MTHFD1L: variants seen among roughly 807,000 people sequenced by gnomAD.
MTHFD1L encodes monofunctional C1-tetrahydrofolate synthase, mitochondrial.
Under a neutral mutation model 119.5 loss-of-function variants are expected in MTHFD1L, and 81 were observed. The ratio of observed to expected loss-of-function variants is 0.68; its 90% CI spans 0.57 to 0.82. The LOEUF (loss-of-function observed/expected upper bound fraction) is 0.82, where lower values mean the gene tolerates loss of function less well. MTHFD1L is among the 40% of genes least tolerant of loss of function. MTHFD1L has a pLI of 0.00. For missense variants in MTHFD1L, 1,125 were observed against 1,253.4 expected, an observed-to-expected ratio of 0.90 and a Z score of 1.55; for synonymous variants, 430 against 475.2, an observed-to-expected ratio of 0.90 and a Z score of 1.24.
intron 27 of MTHFD1L, among the ~76,000 whole-genome samples, chr6:151,094,444 C>A (rs1794722457): frequency 6.6e-6 from 1 of 152,218 alleles, no homozygotes; most frequent in African/African-American, 2.4e-5. Context: ...CTCACTGCAA[C>A]CTCCGCCTCC....
intron 13 of MTHFD1L, chr6:150,939,300 C>T (rs1721163139): frequency 6.6e-6 from 1 of 152,314 alleles, no homozygotes; most frequent in African/African-American, 2.4e-5. Context: ...GAGGATGACA[C>T]ACAAATTTGT....
chr6:150,934,204 C>T (rs1336262845), intron 11 of MTHFD1L, among the ~76,000 whole-genome samples: 1 of 152,220 alleles, frequency 6.6e-6, no homozygotes, highest in Non-Finnish European at 1.5e-5. Flanking sequence ...TCAGTTTCCT[C>T]ATCTATCAAG....
chr6:151,100,846 G>A (rs894678456), intron 27 of MTHFD1L, among the ~76,000 whole-genome samples: 27 of 151,954 alleles, frequency 1.8e-4, no homozygotes, highest in African/African-American at 6.3e-4. Flanking sequence ...AATCCAAGGT[G>A]ACAGTATTCC....
intron 24 of MTHFD1L, among the ~76,000 whole-genome samples, chr6:151,026,368 T>A (rs1026416072): frequency 1.3e-5 from 2 of 152,344 alleles, no homozygotes; most frequent in South Asian, 4.1e-4. Flanking sequence ...TCTAGAGCCA[T>A]ACTGCCTGAT....
At chr6:150,882,701 C>G in intron 4 of MTHFD1L, 61 bp from the exon 5 acceptor site, 2 of 1,238,812 alleles carry the variant, frequency 1.6e-6, no homozygotes, top group Non-Finnish European at 2.2e-6. Context: ...ATAAAGCTTC[C>G]TTTGTTGGGT....
At chr6:150,943,969 GA>G (rs1793553047) in intron 13 of MTHFD1L, among the ~76,000 whole-genome samples, 1 of 152,110 alleles carries the variant, frequency 6.6e-6, no homozygotes, top group African/African-American at 2.4e-5. Context: ...TAAACGTAGT[GA>G]GTGACTATAA....
intron 11 of MTHFD1L, among the ~76,000 whole-genome samples, chr6:150,931,927 C>T (rs1251628632): frequency 2.0e-5 from 3 of 151,708 alleles, no homozygotes; most frequent in East Asian, 3.9e-4. Flanking sequence ...TTTGGGAGGC[C>T]GAGGCGGGCG....
chr6:150,899,716 G>A (rs1163977898), intron 7 of MTHFD1L, among the ~76,000 whole-genome samples: 2 of 152,156 alleles, frequency 1.3e-5, no homozygotes, highest in Non-Finnish European at 2.9e-5. Flanking sequence ...GCTCACGCCT[G>A]TAATCCCAGC....
chr6:150,929,545 C>A (rs1395921512), intron 11 of MTHFD1L, among the ~76,000 whole-genome samples: 2 of 152,222 alleles, frequency 1.3e-5, no homozygotes, highest in Admixed American at 1.3e-4. Flanking sequence ...TGTGATGATA[C>A]TGTTTTCAGG....
chr6:151,099,604 C>G (rs1280857072), intron 27 of MTHFD1L: 1 of 1,609,854 alleles, frequency 6.2e-7, no homozygotes, highest in East Asian at 2.2e-5. Context: ...CCAGTCAGAC[C>G]ATTATGTCAA....
intron 26 of MTHFD1L, among the ~76,000 whole-genome samples, chr6:151,054,716 TG>T (rs1789611563): frequency 1.3e-5 from 2 of 152,102 alleles, no homozygotes; most frequent in Admixed American, 1.3e-4. Context: ...CTAAATAAAA[TG>T]GGTAATCCAA....
chr6:150,931,080 G>T (rs1790950362), intron 11 of MTHFD1L, among the ~76,000 whole-genome samples: 1 of 152,142 alleles, frequency 6.6e-6, no homozygotes, highest in Non-Finnish European at 1.5e-5. Context: ...TTGAGAACTT[G>T]ACTTGGAGTG....
chr6:151,056,486 A>G (rs1383263138), intron 26 of MTHFD1L, among the ~76,000 whole-genome samples: 1 of 152,232 alleles, frequency 6.6e-6, no homozygotes, highest in Non-Finnish European at 1.5e-5. Context: ...AATTATCTGA[A>G]GAATGCAGTC....
At position 151,079,677 on chromosome 6, in the gene MTHFD1L, C is replaced by T. The variant is rs193095139; in HGVS notation, c.2848-12790C>T. On this transcript the variant is annotated intron_variant, in intron 26 of 27. Coordinates refer to ENST00000367321, the MANE Select transcript of MTHFD1L (RefSeq NM_015440.5). ...GCTAATTTTGTATTTTTAGTAGAGA[C>T]GGAGTTTCACCATGTTGGTCACGCT... is the stretch of plus-strand genomic sequence containing the variant. Among the ~76,000 whole-genome samples the T allele has an allele frequency of 1.2e-4, 18 of 151,546 alleles. No homozygotes were observed. The East Asian group carries it at 2.6e-3, about 22-fold the overall frequency.
chr6:151,096,542 T>A (rs1794912308), intron 27 of MTHFD1L, among the ~76,000 whole-genome samples: 1 of 152,210 alleles, frequency 6.6e-6, no homozygotes, highest in Non-Finnish European at 1.5e-5. Context: ...CCACTTCTAC[T>A]AATAATCAGA....
intron 27 of MTHFD1L, 45 bp downstream of exon 27, chr6:151,092,632 G>A (rs890608263): frequency 5.0e-6 from 6 of 1,205,322 alleles, no homozygotes; most frequent in Non-Finnish European, 7.1e-6. Flanking sequence ...TTTTTTTCCA[G>A]TTCATATCCT....
intron 26 of MTHFD1L, among the ~76,000 whole-genome samples, chr6:151,076,046 C>T (rs1056334533): frequency 2.0e-5 from 3 of 152,168 alleles, no homozygotes; most frequent in East Asian, 1.9e-4. Flanking sequence ...CAGTGAATAC[C>T]GCTGCATAGC....
chr6:151,084,687 C>T (rs1010576232), intron 26 of MTHFD1L, among the ~76,000 whole-genome samples: 2 of 152,018 alleles, frequency 1.3e-5, no homozygotes, highest in African/African-American at 4.8e-5. Flanking sequence ...TTAGACGGGC[C>T]GGGCGTGGTG....
chr6:150,994,083 A>AGG (rs1779461661), intron 20 of MTHFD1L, among the ~76,000 whole-genome samples: 1 of 127,612 alleles, frequency 7.8e-6, no homozygotes, highest in African/African-American at 5.2e-5. Context: ...AAAAAAAAGA[A>AGG]AGAAAGAAAG....
Sources: gnomAD v4.1 joint callset for allele counts (sites outside exome capture counted in the v4.1 genomes callset) on GRCh38, gnomAD v4.1.1 for gene constraint, MANE v1.5 for transcripts, NCBI Gene and HGNC (gene_info 2026-07-23, HGNC 2026-07-21) for gene names.